ULK4: variants seen among roughly 807,000 people sequenced by gnomAD.
The protein encoded by ULK4 is unc-51 like kinase 4, also known as inactive serine/threonine-protein kinase ULK4.
In ULK4, 133 loss-of-function variants were observed where a neutral mutation model predicts 160.6. The ratio of observed to expected loss-of-function variants is 0.83; its 90% confidence interval spans 0.72 to 0.96. The LOEUF is 0.96. ULK4 is among the 40% of genes least tolerant of loss of function. The probability of loss-of-function intolerance (pLI) is 0.00; values close to 1 mark genes in which losing one functional copy is unlikely to be tolerated. For missense variants in ULK4, 1,580 were observed against 1,499.5 expected (o/e 1.05, Z -0.89); for synonymous variants, 534 against 539.8 (o/e 0.99, Z 0.15).
intron 16 of ULK4, among the ~76,000 whole-genome samples, chr3:41,886,069 G>T (rs572101222): frequency 6.6e-6 from 1 of 152,072 alleles, no homozygotes. Flanking sequence ...CCTGGTCCTG[G>T]TTACCTCATA....
chr3:41,480,781 C>T (rs1447161084), intron 32 of ULK4, among the ~76,000 whole-genome samples: 6 of 152,132 alleles, frequency 3.9e-5, no homozygotes, highest in Admixed American at 2.6e-4. Flanking sequence ...AGGAAATGTA[C>T]AATCATGGTG....
At chr3:41,531,495 G>A in intron 32 of ULK4, among the ~76,000 whole-genome samples, 6 of 128,984 alleles carry the variant, frequency 4.7e-5, no homozygotes, top group Non-Finnish European at 4.9e-5. Context: ...GGAGAGGAGA[G>A]AAGAAGAAAA....
chr3:41,706,842 A>T (rs1168164491), intron 25 of ULK4, among the ~76,000 whole-genome samples: 13,988 of 133,616 alleles, frequency 0.1, 2,425 homozygotes, highest in African/African-American at 0.41. Flanking sequence ...AAAAAAAAAA[A>T]AAAAATATGT....
At chr3:41,443,234 T>C (rs2083213196) in intron 34 of ULK4, among the ~76,000 whole-genome samples, 1 of 152,344 alleles carries the variant, frequency 6.6e-6, no homozygotes, top group Non-Finnish European at 1.5e-5. Flanking sequence ...CAGTCAGCTC[T>C]TTCTTCTGTA....
intron 35 of ULK4, among the ~76,000 whole-genome samples, chr3:41,268,811 CACA>C (rs1372159637): frequency 2.9e-4 from 13 of 45,018 alleles, no homozygotes; most frequent in Non-Finnish European, 3.8e-4. Context: ...CTCACACACA[CACA>C]AAAAAAAAAA....
At chr3:41,571,609 T>G (rs1039873403) in intron 31 of ULK4, among the ~76,000 whole-genome samples, 5 of 152,010 alleles carry the variant, frequency 3.3e-5, no homozygotes, top group Non-Finnish European at 7.4e-5. Flanking sequence ...GGAAGACTGG[T>G]GGAAAGAGAC....
chr3:41,665,798 T>G (rs1425619069), intron 29 of ULK4, among the ~76,000 whole-genome samples: 1 of 152,214 alleles, frequency 6.6e-6, no homozygotes, highest in African/African-American at 2.4e-5. Flanking sequence ...AGAGAGATCA[T>G]TAGTTCCTTT....
chr3:41,378,479 G>T (rs1162233165), intron 35 of ULK4, among the ~76,000 whole-genome samples: 1 of 151,944 alleles, frequency 6.6e-6, no homozygotes, highest in East Asian at 1.9e-4. Context: ...CATGTCCTTT[G>T]TAGGGACACG....
At chr3:41,272,708 T>G (rs1223066175) in intron 35 of ULK4, among the ~76,000 whole-genome samples, 2 of 152,170 alleles carry the variant, frequency 1.3e-5, no homozygotes, top group Non-Finnish European at 2.9e-5. Flanking sequence ...GCTACTCTCT[T>G]CCATTCTCCC....
intron 22 of ULK4, among the ~76,000 whole-genome samples, chr3:41,738,186 T>C (rs1452757855): frequency 1.3e-5 from 2 of 151,988 alleles, no homozygotes; most frequent in Non-Finnish European, 2.9e-5. Context: ...TCTTAGAATA[T>C]GACTGTAGTG....
chr3:41,463,012 T>C (rs923052424), intron 33 of ULK4, 75 bp downstream of exon 33: 1 of 1,494,904 alleles, frequency 6.7e-7, no homozygotes, highest in Admixed American at 1.9e-5. Flanking sequence ...TAGAGGAAGA[T>C]AAGAAAGAAG....
rs79762863 is a variant in ULK4, at chr3:41,395,073, T to C, written c.3678+3006A>G. On this transcript the variant is annotated intron_variant, in intron 35 of 36. Coordinates refer to ENST00000301831, the MANE Select transcript of ULK4 (RefSeq NM_017886.4). ...TCCCAATGCAGAACATTTTTGCATC[T>C]TACTTCCTAATCACCACACAGAAAG... Among the ~76,000 whole-genome samples, 9 of 152,100 alleles carry C rather than the reference T, an allele frequency of 5.9e-5. No homozygotes were observed. In the East Asian group the frequency reaches 1.5e-3, roughly 26 times the overall value.
At chr3:41,612,731 G>A (rs747006936) in intron 31 of ULK4, among the ~76,000 whole-genome samples, 7 of 152,086 alleles carry the variant, frequency 4.6e-5, no homozygotes, top group Non-Finnish European at 5.9e-5. Flanking sequence ...ATTCAGAATT[G>A]TAGTCCCTCC....
At chr3:41,652,960 A>T (rs977904160) in intron 30 of ULK4, among the ~76,000 whole-genome samples, 1 of 152,144 alleles carries the variant, frequency 6.6e-6, no homozygotes, top group African/African-American at 2.4e-5. Flanking sequence ...TCATTTTCCT[A>T]ATGTATAAAA....
chr3:41,443,124 A>G (rs2083210154), intron 34 of ULK4, among the ~76,000 whole-genome samples: 1 of 152,066 alleles, frequency 6.6e-6, no homozygotes, highest in Non-Finnish European at 1.5e-5. Context: ...CCTTTTCATC[A>G]AAACCACCCT....
At position 41,741,795 on chromosome 3, in the gene ULK4, T is replaced by C. The variant is rs555700394; in HGVS notation, c.2321+12566A>G. ...GATTTCTAGTTCTGCCAAGATGGAGTAGGATCAAAACAAACACAGGAAGAC... is the reference window on the plus strand; with the variant it reads ...GATTTCTAGTTCTGCCAAGATGGAGCAGGATCAAAACAAACACAGGAAGAC... On this transcript the variant is annotated intron_variant, in intron 22 of 36. Transcript: ENST00000301831. Among the ~76,000 whole-genome samples, 61 of 151,566 alleles carry C rather than the reference T, an allele frequency of 4.0e-4. 1 individual carries two copies. The highest frequency in any genetic ancestry group is 1.3e-3 in the African/African-American group (54 of 41,084).
chr3:41,558,170 T>C (rs990081224), intron 32 of ULK4, among the ~76,000 whole-genome samples: 3 of 152,186 alleles, frequency 2.0e-5, no homozygotes, highest in African/African-American at 4.8e-5. Flanking sequence ...AAACTATTCA[T>C]TGTAGAACTG....
chr3:41,539,317 A>G (rs958685687), intron 32 of ULK4, among the ~76,000 whole-genome samples: 1 of 152,164 alleles, frequency 6.6e-6, no homozygotes, highest in Admixed American at 6.5e-5. Flanking sequence ...AGAAAACTGT[A>G]TTTGTAAAAA....
intron 30 of ULK4, among the ~76,000 whole-genome samples, chr3:41,639,151 G>A (rs1000658527): frequency 6.6e-6 from 1 of 152,164 alleles, no homozygotes; most frequent in Non-Finnish European, 1.5e-5. Context: ...ATCGGCTGAT[G>A]GTTTTACTGG....
Sources: allele counts gnomAD v4.1 joint callset (sites outside exome capture counted in the v4.1 genomes callset), GRCh38; gene constraint gnomAD v4.1.1; transcripts MANE v1.5; gene names NCBI Gene and HGNC (gene_info 2026-07-23, HGNC 2026-07-21).